Variants in FREM2 observed in about 807,000 individuals in gnomAD.
FREM2 encodes the protein FRAS1-related extracellular matrix protein 2.
Under a neutral mutation model 219.9 loss-of-function variants are expected in FREM2, and 119 were observed. The ratio of observed to expected loss-of-function variants is 0.54; its 90% CI spans 0.47 to 0.63. The LOEUF (loss-of-function observed/expected upper bound fraction) is 0.63. Among genes scored for constraint, FREM2 ranks in the 30% least tolerant of loss-of-function variants. FREM2 has a pLI of 0.00. For missense variants in FREM2, 4,030 were observed against 3,993.6 expected (o/e 1.01, Z -0.25); for synonymous variants, 1,562 against 1,522.8 (o/e 1.03, Z -0.60).
chr13:38,856,379 A>G (rs949842698), intron 12 of FREM2, 123 bp downstream of exon 12: 68 of 845,410 alleles, frequency 8.0e-5, no homozygotes, highest in Non-Finnish European at 1.2e-4. Context: ...TGAAAGAGAT[A>G]TGCATAATCT....
In FREM2 at chr13:38,690,445, T is replaced by G; in HGVS notation, c.3101T>G (p.Leu1034Arg). 6.2e-7 allele frequency: 1 copy of G among 1,614,232 alleles called. No individual in the cohort carries two copies. The highest frequency in any genetic ancestry group is 8.5e-7 in the Non-Finnish European group (1 of 1,180,038). Residue 1034 changes from leucine to arginine, a missense_variant, in exon 1 of 24, where the codon CTG (leucine) becomes CGG (arginine). By Grantham distance (102) the Leu-to-Arg change is moderately radical. This residue lies in a region of FREM2 where 3,102 missense variants were observed against 2,950.7 expected (regional missense o/e 1.05). Transcript: ENST00000280481. ...TTGCCTAAAGCGGATTCTTTTAACC[T>G]GAGTCTGTCAGATATGTCTCAAGAA... ...GLLPKADSFNLSLSDMSQEWR... is the reference protein window; with the variant it reads ...GLLPKADSFNRSLSDMSQEWR...
intron 2 of FREM2, among the ~76,000 whole-genome samples, chr13:38,723,066 A>G (rs778795261): frequency 6.0e-5 from 9 of 150,986 alleles, no homozygotes; most frequent in South Asian, 2.1e-4. Flanking sequence ...CCCCATCTCT[A>G]CTAAAAACAA....
At chr13:38,711,241 G>A (rs544475644) in intron 2 of FREM2, among the ~76,000 whole-genome samples, 6 of 152,102 alleles carry the variant, frequency 3.9e-5, no homozygotes, top group East Asian at 1.9e-4. Context: ...CCCCGTCTTC[G>A]CCTCCAGCCA....
intron 6 of FREM2, among the ~76,000 whole-genome samples, chr13:38,828,744 T>C (rs866585160): frequency 6.6e-6 from 1 of 151,878 alleles, no homozygotes; most frequent in African/African-American, 2.4e-5. Context: ...TTAAAAAAAA[T>C]TTTAAGAGAC....
intron 11 of FREM2, among the ~76,000 whole-genome samples, chr13:38,854,422 T>A (rs774921071): frequency 6.6e-6 from 1 of 152,154 alleles, no homozygotes; most frequent in Non-Finnish European, 1.5e-5. Flanking sequence ...ATAGTGTCAT[T>A]AAGCCAGCAA....
At chr13:38,761,868 A>T (rs1442379508) in intron 2 of FREM2, among the ~76,000 whole-genome samples, 1 of 152,182 alleles carries the variant, frequency 6.6e-6, no homozygotes, top group African/African-American at 2.4e-5. Flanking sequence ...TGACCTCCAA[A>T]TGGGCAGATT....
chr13:38,875,887 C>A, intron 18 of FREM2, 135 bp from the exon 19 acceptor site: 1 of 847,762 alleles, frequency 1.2e-6, no homozygotes, highest in Non-Finnish European at 2.0e-6. Flanking sequence ...TTATACTAAC[C>A]ATGACTGCTT....
chr13:38,772,638 C>T (rs556941195), intron 4 of FREM2, among the ~76,000 whole-genome samples: 1 of 151,660 alleles, frequency 6.6e-6, no homozygotes, highest in Admixed American at 6.6e-5. Context: ...TTATATTTGG[C>T]AAGTTTTGGA....
At chr13:38,726,501 A>G (rs1327381856) in intron 2 of FREM2, among the ~76,000 whole-genome samples, 1 of 152,168 alleles carries the variant, frequency 6.6e-6, no homozygotes, top group Non-Finnish European at 1.5e-5. Flanking sequence ...AAAATATGAA[A>G]ATATAATTAA....
chr13:38,814,380 C>T (rs757289771), intron 6 of FREM2, among the ~76,000 whole-genome samples: 2 of 152,202 alleles, frequency 1.3e-5, no homozygotes, highest in Non-Finnish European at 2.9e-5. Context: ...GCCTCAAGCC[C>T]AAGACACTGT....
chr13:38,864,363 C>T lies in FREM2; in HGVS notation c.7740C>T (p.Cys2580=). ...GCACAAGAGTTGGAAACCACAAGTG[C>T]TCCAACCTCCTGGATTATACTGAAG... ...PDGTRVGNHK[C]SNLLDYTEVK... Residue 2580 remains cysteine, a synonymous_variant, in exon 16 of 24, where the codon TGC becomes TGT. Transcript: ENST00000280481. 1 of 1,614,106 alleles carries T rather than the reference C, an allele frequency of 6.2e-7. No individual in the cohort carries two copies. The highest frequency in any genetic ancestry group is 2.2e-5 in the East Asian group (1 of 44,882).
Position 38,687,543 on chromosome 13 carries a change from C to G in FREM2, c.199C>G (p.Pro67Ala), listed in dbSNP as rs1422172397. 7.5e-6 allele frequency: 12 copies of G among 1,600,354 alleles called. No individual in the cohort carries two copies. Among genetic ancestry groups the G allele is most frequent in the Non-Finnish European group, 1.0e-5 (12 of 1,173,226 alleles). Residue 67 changes from proline (P) to alanine (A), a missense_variant, in exon 1 of 24, where the codon CCT becomes GCT. Physicochemically the swap from Pro to Ala is conservative, Grantham distance 27. Around this residue, in one of 2 missense-constraint regions of FREM2, gnomAD observed 3,102 missense variants for 2,950.7 expected, o/e 1.05. Transcript: ENST00000280481. ...TGGTCTCGCGGGGGCTGCAGGGGTC[C>G]CTGCTGAGGAGGCCATAGTGCTGGC... ...SPGLAGAAGV[P>A]AEEAIVLANR...
At chr13:38,775,333 T>G in intron 4 of FREM2, among the ~76,000 whole-genome samples, 1 of 152,198 alleles carries the variant, frequency 6.6e-6, no homozygotes, top group African/African-American at 2.4e-5. Context: ...CTGCAGATGA[T>G]GATACAGAAA....
rs7982078 is a variant in FREM2, at chr13:38,858,987, C to G, written c.7216-300C>G. Among the ~76,000 whole-genome samples the G allele has an allele frequency of 0.99, 142,788 of 143,834 alleles. 70,878 individuals carry two copies. Among genetic ancestry groups the G allele is most frequent in the South Asian group, 1 (4,248 of 4,256 alleles). The allele number at this position is 143,834 out of a possible 152,430, so 94.4% of individuals were successfully genotyped here. A position where few individuals can be genotyped will look rare whatever the true frequency, so the allele number is the denominator to read the frequency against. The stretch of plus-strand genomic sequence containing the variant: ...GGGGGGTAAGATGAGCGACAGGAAG[C>G]GGGGGAGGAAAAAAGAGAGAATAAG... On this transcript the variant is annotated intron_variant, in intron 13 of 23. Transcript: ENST00000280481.
intron 11 of FREM2, among the ~76,000 whole-genome samples, chr13:38,852,238 A>G (rs1230692873): frequency 6.6e-6 from 1 of 152,110 alleles, no homozygotes; most frequent in Non-Finnish European, 1.5e-5. Context: ...GCAGTATTTG[A>G]CTTTCTGTTT....
At chr13:38,695,403 T>A (rs1315090569) in intron 1 of FREM2, among the ~76,000 whole-genome samples, 1 of 152,210 alleles carries the variant, frequency 6.6e-6, no homozygotes, top group Non-Finnish European at 1.5e-5. Flanking sequence ...CAGAGTGCCA[T>A]ATAGTTGCAT....
At position 38,742,679 on chromosome 13, in the gene FREM2, G is replaced by A. The variant is rs546172127; in HGVS notation, c.5264-21625G>A. ...GTTTACTGGACTGTAATTTTTTGTG[G>A]GGCTTCCCAGTGAGGTAGAATTATC... On this transcript the variant is annotated intron_variant, in intron 2 of 23. Coordinates refer to ENST00000280481, the MANE Select transcript of FREM2 (RefSeq NM_207361.6). Among the ~76,000 whole-genome samples, 7 of 152,122 alleles carry A rather than the reference G, an allele frequency of 4.6e-5. No individual in the cohort carries two copies. In the East Asian group the frequency reaches 1.4e-3, roughly 29 times the overall value.
At chr13:38,705,083 G>T (rs1019027818) in intron 2 of FREM2, among the ~76,000 whole-genome samples, 4 of 152,180 alleles carry the variant, frequency 2.6e-5, no homozygotes, top group African/African-American at 7.2e-5. Context: ...GGAGCATTGT[G>T]TTCCAATTTG....
intron 14 of FREM2, among the ~76,000 whole-genome samples, chr13:38,860,054 T>A (rs1593450457): frequency 1.3e-5 from 2 of 151,842 alleles, no homozygotes; most frequent in East Asian, 3.9e-4. Flanking sequence ...CGGGATATTG[T>A]GGGAATGGCA....
Sources: gnomAD v4.1 joint callset for allele counts (sites outside exome capture counted in the v4.1 genomes callset) on GRCh38, gnomAD v4.1.1 for gene constraint, gnomAD v4.1.1 regional missense constraint, MANE v1.5 for transcripts, NCBI Gene and HGNC (gene_info 2026-07-23, HGNC 2026-07-21) for gene names.